The following SUGCT variants were observed in gnomAD, a reference collection of about 807,000 sequenced individuals.
SUGCT encodes the protein succinyl-CoA:glutarate-CoA transferase.
SUGCT carries 41 observed loss-of-function variants against 55.0 expected under a neutral mutation model. The observed-to-expected ratio is 0.74, with a 90% confidence interval of 0.58 to 0.97. The LOEUF (loss-of-function observed/expected upper bound fraction) is 0.97, where lower values mean the gene tolerates loss of function less well. SUGCT is among the 50% of genes least tolerant of loss of function. The probability of loss-of-function intolerance (pLI) is 0.00; values close to 1 mark genes in which losing one functional copy is unlikely to be tolerated. For missense variants in SUGCT, 568 were observed against 547.8 expected (o/e 1.04, Z -0.37); for synonymous variants, 187 against 200.4 (o/e 0.93, Z 0.56).
the SUGCT span, among the ~76,000 whole-genome samples, chr7:40,949,688 C>T: frequency 6.6e-6 from 1 of 152,134 alleles, no homozygotes; most frequent in African/African-American, 2.4e-5. Flanking sequence ...GCCAGTTTTC[C>T]CAACACCATT....
intron 12 of SUGCT, among the ~76,000 whole-genome samples, chr7:40,670,700 G>A (rs982491350): frequency 2.0e-5 from 3 of 151,954 alleles, no homozygotes; most frequent in Non-Finnish European, 4.4e-5. Flanking sequence ...TTTCAAAAAT[G>A]CAAAATACTA....
chr7:40,895,924 C>G, the SUGCT span, among the ~76,000 whole-genome samples: 1 of 152,100 alleles, frequency 6.6e-6, no homozygotes, highest in Non-Finnish European at 1.5e-5. Flanking sequence ...GAAAACTTTT[C>G]CCCTAGGATT....
intron 12 of SUGCT, among the ~76,000 whole-genome samples, chr7:40,536,189 C>T (rs1272206557): frequency 6.6e-6 from 1 of 152,112 alleles, no homozygotes; most frequent in Non-Finnish European, 1.5e-5. Context: ...CCCCACACAT[C>T]AATTTCTGGT....
In SUGCT at chr7:40,763,429, G is replaced by A. The variant is rs189719473; in HGVS notation, c.1153+13932G>A. Reference sequence around the variant, plus strand: ...ACTTCTGAGTTACTCAGAAATCCATGCCCTTTTATTGCGATGCTCTACTGC... The same window carrying A: ...ACTTCTGAGTTACTCAGAAATCCATACCCTTTTATTGCGATGCTCTACTGC... On this transcript the variant is annotated intron_variant, in intron 13 of 13. Transcript: ENST00000335693. Among the ~76,000 whole-genome samples, 3 of 152,232 alleles carry A rather than the reference G, an allele frequency of 2.0e-5. No homozygotes were observed. In the East Asian group the frequency reaches 5.8e-4, roughly 29 times the overall value.
chr7:40,427,924 G>A (rs1583654975), intron 9 of SUGCT, among the ~76,000 whole-genome samples: 1 of 152,058 alleles, frequency 6.6e-6, no homozygotes, highest in African/African-American at 2.4e-5. Flanking sequence ...TGCCTGTGAG[G>A]TACATTTATT....
intron 1 of SUGCT, among the ~76,000 whole-genome samples, chr7:40,158,607 G>A (rs542145892): frequency 1.1e-4 from 17 of 152,182 alleles, no homozygotes; most frequent in Admixed American, 8.5e-4. Flanking sequence ...AAAATTAGCC[G>A]GGCGTGGTGG....
intron 12 of SUGCT, among the ~76,000 whole-genome samples, chr7:40,544,663 A>T (rs1258386647): frequency 6.6e-6 from 1 of 152,102 alleles, no homozygotes; most frequent in Non-Finnish European, 1.5e-5. Context: ...GCTGTTGTAG[A>T]CTTTGGTTAT....
intron 9 of SUGCT, among the ~76,000 whole-genome samples, chr7:40,399,456 C>T (rs1050181069): frequency 6.6e-6 from 1 of 152,144 alleles, no homozygotes. Context: ...GAACTACTCT[C>T]AAACCAGCTT....
the SUGCT span, among the ~76,000 whole-genome samples, chr7:40,997,377 G>A: frequency 6.6e-6 from 1 of 152,042 alleles, no homozygotes; most frequent in African/African-American, 2.4e-5. Flanking sequence ...CAGCAGCCCC[G>A]CTGTCAGCTC....
intron 7 of SUGCT, among the ~76,000 whole-genome samples, chr7:40,267,610 T>C (rs1239735132): frequency 1.3e-5 from 2 of 152,182 alleles, no homozygotes; most frequent in Admixed American, 1.3e-4. Flanking sequence ...AGACATTGTT[T>C]AGTACTGCTA....
chr7:40,364,796 G>A (rs1164726175), intron 9 of SUGCT, among the ~76,000 whole-genome samples: 1 of 151,994 alleles, frequency 6.6e-6, no homozygotes, highest in African/African-American at 2.4e-5. Context: ...AAAGAGTCCA[G>A]GACCAGATGG....
chr7:40,723,149 G>A (rs970759239), intron 12 of SUGCT, among the ~76,000 whole-genome samples: 6 of 152,074 alleles, frequency 3.9e-5, no homozygotes, highest in African/African-American at 1.2e-4. Context: ...CACACGAGAT[G>A]CATTTATGTG....
chr7:40,324,343 C>T (rs1028915576), intron 9 of SUGCT, among the ~76,000 whole-genome samples: 15 of 151,072 alleles, frequency 9.9e-5, no homozygotes, highest in Non-Finnish European at 1.8e-4. Flanking sequence ...TCAACCTCCA[C>T]CTCCCAAGTT....
chr7:40,795,514 C>T (rs1232079603), intron 13 of SUGCT, among the ~76,000 whole-genome samples: 1 of 151,992 alleles, frequency 6.6e-6, no homozygotes, highest in Non-Finnish European at 1.5e-5. Context: ...AGAAGTTCTT[C>T]AAGAAAAATA....
intron 12 of SUGCT, among the ~76,000 whole-genome samples, chr7:40,722,981 C>T (rs935406067): frequency 5.3e-5 from 8 of 152,026 alleles, no homozygotes; most frequent in Non-Finnish European, 1.2e-4. Flanking sequence ...AATTTGCTTC[C>T]GAGATCAGCT....
At chr7:40,389,622 C>T (rs1026467669) in intron 9 of SUGCT, among the ~76,000 whole-genome samples, 4 of 152,070 alleles carry the variant, frequency 2.6e-5, no homozygotes, top group Admixed American at 2.0e-4. Context: ...TTGTCAATGA[C>T]AAAGCAATAA....
chr7:40,634,596 A>T (rs999723005), intron 12 of SUGCT, among the ~76,000 whole-genome samples: 5 of 152,210 alleles, frequency 3.3e-5, no homozygotes, highest in African/African-American at 1.2e-4. Flanking sequence ...TTAGAAAGAG[A>T]TAAAAACAAT....
chr7:40,558,622 G>T lies in SUGCT; in HGVS notation c.1089+62236G>T, dbSNP rs375499917. ...GCTTCGGTTGGTGGGGTGGGGAGCAGAGTGAGGAGTTATTGTTTCATGAGT... is the reference window on the plus strand; with the variant it reads ...GCTTCGGTTGGTGGGGTGGGGAGCATAGTGAGGAGTTATTGTTTCATGAGT... On this transcript the variant is annotated intron_variant, in intron 12 of 13. Coordinates refer to ENST00000335693, the MANE Select transcript of SUGCT (RefSeq NM_001193313.2). Among the ~76,000 whole-genome samples, 6 of 152,312 alleles carry T rather than the reference G, an allele frequency of 3.9e-5. No individual in the cohort carries two copies. In the East Asian group the frequency reaches 1.2e-3, roughly 29 times the overall value.
chr7:40,844,880 A>G (rs368229901), intron 13 of SUGCT, among the ~76,000 whole-genome samples: 6 of 152,334 alleles, frequency 3.9e-5, no homozygotes, highest in African/African-American at 1.2e-4. Context: ...GAATTTGCTG[A>G]TGGATTGGAT....
Sources: gnomAD v4.1 joint callset for allele counts (sites outside exome capture counted in the v4.1 genomes callset) on GRCh38, gnomAD v4.1.1 for gene constraint, MANE v1.5 for transcripts, NCBI Gene and HGNC (gene_info 2026-07-23, HGNC 2026-07-21) for gene names.